CPQ: variants seen among roughly 807,000 people sequenced by gnomAD.
The protein encoded by CPQ is Ser-Met dipeptidase.
CPQ carries 37 observed loss-of-function variants against 45.7 expected under a neutral mutation model. The ratio of observed to expected loss-of-function variants is 0.81; its 90% CI spans 0.62 to 1.07. The LOEUF (loss-of-function observed/expected upper bound fraction) is 1.07, where lower values mean the gene tolerates loss of function less well. Ranked by LOEUF, CPQ falls within the 50% of genes least tolerant of loss-of-function variation. CPQ has a pLI of 0.00. For synonymous variants in CPQ, 186 were observed against 205.8 expected, an observed-to-expected ratio of 0.90 and a Z score of 0.82; for missense variants, 537 against 572.9, an observed-to-expected ratio of 0.94 and a Z score of 0.64.
At chr8:97,097,881 G>T (rs1324765408) in intron 7 of CPQ, among the ~76,000 whole-genome samples, 6 of 152,118 alleles carry the variant, frequency 3.9e-5, no homozygotes, top group Admixed American at 3.9e-4. Context: ...CATGACTTCT[G>T]CCCAAATTCC....
intron 1 of CPQ, among the ~76,000 whole-genome samples, chr8:96,748,962 C>A (rs923218775): frequency 6.6e-6 from 1 of 152,096 alleles, no homozygotes; most frequent in African/African-American, 2.4e-5. Context: ...ATTGCAAAGC[C>A]TTTTCTGACC....
intron 1 of CPQ, among the ~76,000 whole-genome samples, chr8:96,672,553 A>G (rs574605815): frequency 6.6e-6 from 1 of 152,258 alleles, no homozygotes; most frequent in East Asian, 1.9e-4. Context: ...TAGGGTGGTC[A>G]GATCACTTGA....
chr8:97,064,230 T>C (rs1039573740), intron 6 of CPQ, among the ~76,000 whole-genome samples: 22 of 152,168 alleles, frequency 1.4e-4, no homozygotes, highest in African/African-American at 5.3e-4. Flanking sequence ...TTGCAAGATA[T>C]ATTGTGAATG....
chr8:97,015,962 A>G (rs1208270607), intron 5 of CPQ, among the ~76,000 whole-genome samples: 2 of 152,160 alleles, frequency 1.3e-5, no homozygotes, highest in Non-Finnish European at 2.9e-5. Context: ...AAAAATGTAA[A>G]GAAGTATAAC....
chr8:96,836,032 G>A (rs966143691), intron 3 of CPQ, among the ~76,000 whole-genome samples: 2 of 152,156 alleles, frequency 1.3e-5, no homozygotes, highest in African/African-American at 2.4e-5. Context: ...AGTGTCATAC[G>A]TTAAGGATAA....
At chr8:96,965,759 T>C (rs1813545866) in intron 4 of CPQ, among the ~76,000 whole-genome samples, 176 bp from the exon 5 acceptor site, 1 of 152,182 alleles carries the variant, frequency 6.6e-6, no homozygotes, top group African/African-American at 2.4e-5. Flanking sequence ...TTAGACCCCT[T>C]ATACAATTCC....
In CPQ at chr8:96,966,030, A is replaced by G; in HGVS notation, c.945A>G (p.Ser315=). ...GGAFISWEAL[S]LIKDLGLRPK... Reference sequence around the variant, plus strand: ...CCTTTATATCATGGGAAGCACTCTCACTTATTAAAGATCTTGGTAAATATT... The same window carrying G: ...CCTTTATATCATGGGAAGCACTCTCGCTTATTAAAGATCTTGGTAAATATT... Residue 315 remains serine (S), a synonymous_variant, in exon 5 of 8, where the codon TCA becomes TCG. Coordinates refer to ENST00000220763, the MANE Select transcript of CPQ (RefSeq NM_016134.4). 6.2e-7 allele frequency: 1 copy of G among 1,611,560 alleles called. No homozygotes were observed. Among genetic ancestry groups the G allele is most frequent in the Non-Finnish European group, 8.5e-7 (1 of 1,178,548 alleles).
Position 97,066,142 on chromosome 8 carries a change from A to G in CPQ, c.1187A>G (p.Asn396Ser), listed in dbSNP as rs775627048. Residue 396 changes from asparagine to serine, a missense_variant, in exon 7 of 8, where the codon AAT becomes AGT. Coordinates refer to ENST00000220763, the MANE Select transcript of CPQ (RefSeq NM_016134.4). ...GTTATGAGCCTGCTGCAGCCCCTCA[A>G]TATCACTCAGGTCCTGAGCCATGGA... ...EEVMSLLQPL[N>S]ITQVLSHGEG... 15 of 1,612,188 alleles carry G rather than the reference A, an allele frequency of 9.3e-6. No homozygotes were observed. The South Asian group carries it at 1.4e-4, about 15-fold the overall frequency.
intron 5 of CPQ, among the ~76,000 whole-genome samples, chr8:97,023,151 C>T (rs928110572): frequency 6.0e-5 from 9 of 149,424 alleles, no homozygotes; most frequent in African/African-American, 9.8e-5. Flanking sequence ...ACCATAAAAA[C>T]GAATGAATTA....
At chr8:96,892,716 A>G (rs1586440888) in intron 4 of CPQ, among the ~76,000 whole-genome samples, 1 of 152,214 alleles carries the variant, frequency 6.6e-6, no homozygotes, top group African/African-American at 2.4e-5. Context: ...CTCTGGGCTC[A>G]TAAAGACAGC....
chr8:96,727,719 G>A (rs1809862186), intron 1 of CPQ, among the ~76,000 whole-genome samples: 1 of 151,994 alleles, frequency 6.6e-6, no homozygotes, highest in African/African-American at 2.4e-5. Context: ...GGCCAGGGTG[G>A]GAGCACTAAT....
At chr8:96,718,567 T>G (rs1212804957) in intron 1 of CPQ, among the ~76,000 whole-genome samples, 2 of 152,102 alleles carry the variant, frequency 1.3e-5, no homozygotes, top group Non-Finnish European at 1.5e-5. Flanking sequence ...GAGTGAGCAG[T>G]GGCAAGATTT....
chr8:96,929,485 CTCTCAGCT>C lies in CPQ; in HGVS notation c.850-36449_850-36442del, dbSNP rs536430790. Among the ~76,000 whole-genome samples the C allele has an allele frequency of 1.4e-4, 21 of 152,300 alleles. 1 individual carries two copies. The highest frequency in any genetic ancestry group is 1.2e-3 in the South Asian group (6 of 4,830). ...TCTAATATGCTCCCTCAATGCAAGT[CTCTCAGCT>C]CCAATGCTGTGTGTTAGAGTGTGAT... On this transcript the variant is annotated intron_variant, in intron 4 of 7. Transcript: ENST00000220763.
At chr8:96,863,492 T>G (rs894074661) in intron 3 of CPQ, among the ~76,000 whole-genome samples, 1 of 151,958 alleles carries the variant, frequency 6.6e-6, no homozygotes, top group African/African-American at 2.4e-5. Context: ...ATAGTGAAAT[T>G]GGGCAGGAAG....
At chr8:97,096,686 A>C (rs1042453152) in intron 7 of CPQ, among the ~76,000 whole-genome samples, 2 of 152,192 alleles carry the variant, frequency 1.3e-5, no homozygotes, top group Non-Finnish European at 2.9e-5. Flanking sequence ...GAATGGAACA[A>C]CCACCTCTTA....
At chr8:96,791,646 G>A (rs1385449213) in intron 2 of CPQ, among the ~76,000 whole-genome samples, 1 of 152,200 alleles carries the variant, frequency 6.6e-6, no homozygotes, top group Non-Finnish European at 1.5e-5. Flanking sequence ...TTTAAGCTCT[G>A]AAGAGACTGG....
chr8:96,956,222 T>C (rs1813355267), intron 4 of CPQ, among the ~76,000 whole-genome samples: 2 of 152,336 alleles, frequency 1.3e-5, no homozygotes, highest in South Asian at 2.1e-4. Context: ...AATTTTTATT[T>C]GTTCTCTCCA....
chr8:96,657,206 G>A lies in CPQ; in HGVS notation c.-35+11804G>A, dbSNP rs1003381680. 7.9e-5 allele frequency among the ~76,000 whole-genome samples: 12 copies of A among 152,166 alleles called. 2 individuals carry two copies. Among genetic ancestry groups the A allele is most frequent in the African/African-American group, 2.2e-4 (9 of 41,488 alleles). ...CTAAAAATACAAAAATTAGCTGGACGTGGTGGTGTGCGTCTGTAATCCCAG... is the reference window on the plus strand; with the variant it reads ...CTAAAAATACAAAAATTAGCTGGACATGGTGGTGTGCGTCTGTAATCCCAG... On this transcript the variant is annotated intron_variant, in intron 1 of 7. Coordinates refer to ENST00000220763, the MANE Select transcript of CPQ (RefSeq NM_016134.4).
chr8:97,109,997 G>A (rs1347221136), intron 7 of CPQ, among the ~76,000 whole-genome samples: 1 of 151,940 alleles, frequency 6.6e-6, no homozygotes, highest in Non-Finnish European at 1.5e-5. Flanking sequence ...TATTTTTACT[G>A]AGATACAATT....
Sources: gnomAD v4.1 joint callset for allele counts (sites outside exome capture counted in the v4.1 genomes callset) on GRCh38, gnomAD v4.1.1 for gene constraint, MANE v1.5 for transcripts, NCBI Gene and HGNC (gene_info 2026-07-23, HGNC 2026-07-21) for gene names.